C5orf47: variants seen among roughly 807,000 people sequenced by gnomAD.
C5orf47 encodes the protein uncharacterized protein C5orf47.
Under a neutral mutation model 20.6 loss-of-function variants are expected in C5orf47, and 20 were observed. That is an observed-to-expected ratio of 0.97 (90% CI 0.68 to 1.41). The LOEUF (loss-of-function observed/expected upper bound fraction) is 1.41. Ranked by LOEUF, C5orf47 falls within the 40% of genes most tolerant of loss-of-function variation. The probability of loss-of-function intolerance (pLI) is 0.00; values close to 1 mark genes in which losing one functional copy is unlikely to be tolerated. For synonymous variants in C5orf47, 106 were observed against 97.3 expected, an observed-to-expected ratio of 1.09 and a Z score of -0.53; for missense variants, 262 against 238.4, an observed-to-expected ratio of 1.10 and a Z score of -0.65.
intron 2 of C5orf47, 98 bp downstream of exon 2, chr5:173,998,336 C>A: frequency 4.9e-6 from 3 of 618,028 alleles, no homozygotes; most frequent in Admixed American, 3.5e-5. Flanking sequence ...AAAATAGTAC[C>A]ATCTTTTGAA....
intron 1 of C5orf47, 93 bp downstream of exon 1, chr5:173,989,681 AGGCTGGGGGCAGCTTTCCTGTC>A: frequency 1.8e-6 from 2 of 1,132,402 alleles, no homozygotes; most frequent in Non-Finnish European, 2.3e-6. Flanking sequence ...GGCACGCAGG[AGGCTGGGGGCAGCTTTCCTGTC>A]AGGCCGTGTT....
intron 1 of C5orf47, among the ~76,000 whole-genome samples, chr5:173,990,790 C>T (rs67505226): frequency 0.14 from 21,452 of 152,124 alleles, 2,103 homozygotes; most frequent in African/African-American, 0.28. Flanking sequence ...ACGTATGTTT[C>T]GAAGAGGTTT....
downstream of C5orf47, among the ~76,000 whole-genome samples, chr5:174,008,711 A>T (rs1048729768): frequency 6.6e-6 from 1 of 151,584 alleles, no homozygotes; most frequent in African/African-American, 2.4e-5. Context: ...GGGCGCCTGT[A>T]AGTCCCAGCT....
intron 1 of C5orf47, among the ~76,000 whole-genome samples, chr5:173,997,573 A>G (rs1759120688): frequency 6.6e-6 from 1 of 152,146 alleles, no homozygotes. Context: ...CATGATAAAA[A>G]GATAGGCTGA....
At chr5:173,991,488 A>G (rs542110189) in intron 1 of C5orf47, among the ~76,000 whole-genome samples, 46 of 148,710 alleles carry the variant, frequency 3.1e-4, no homozygotes, top group Non-Finnish European at 6.5e-4. Flanking sequence ...ATCCCTCCAT[A>G]CTTATTTTTT....
At chr5:173,993,643 A>C (rs1363159039) in intron 1 of C5orf47, among the ~76,000 whole-genome samples, 2 of 152,208 alleles carry the variant, frequency 1.3e-5, no homozygotes, top group Non-Finnish European at 2.9e-5. Flanking sequence ...ACTTTGTCTC[A>C]AAAAGAAAAG....
intron 1 of C5orf47, 133 bp downstream of exon 1, chr5:173,989,721 C>A: frequency 1.3e-6 from 1 of 790,240 alleles, no homozygotes; most frequent in Non-Finnish European, 1.8e-6. Flanking sequence ...GTTGCGAGCA[C>A]GCGCAGGGGC....
At position 174,006,084 on chromosome 5, in the gene C5orf47, A is replaced by G. The variant is rs939846518; in HGVS notation, c.*1830A>G. On this transcript the variant is annotated 3_prime_UTR_variant, in exon 5 of 5. Coordinates refer to ENST00000340147, the MANE Select transcript of C5orf47 (RefSeq NM_001144954.2). Reference sequence around the variant, plus strand: ...CAATACTTTAACTTATTTCTGTTCCATAATTTCAGTAGGGGCTAATGACCC... The same window carrying G: ...CAATACTTTAACTTATTTCTGTTCCGTAATTTCAGTAGGGGCTAATGACCC... 2 of 152,364 alleles carry G rather than the reference A, an allele frequency of 1.3e-5. No individual in the cohort carries two copies. Among genetic ancestry groups the G allele is most frequent in the African/African-American group, 2.4e-5 (1 of 41,454 alleles). 9.4% of individuals were successfully genotyped at this position (152,364 alleles called of 1,614,324 possible).
At position 173,989,514 on chromosome 5, in the gene C5orf47, A is replaced by AGGCTGCGGCCTCTGCCTCCTCCC; in HGVS notation, c.252_274dup (p.Gln92ArgfsTer27). ...AGGGTCCCCACGACCCCTGGTGTGG[A>AGGCTGCGGCCTCTGCCTCCTCCC]GGCTGCGGCCTCTGCCTCCTCCCAG... On this transcript the variant is annotated frameshift_variant, in exon 1 of 5. Transcript: ENST00000340147. LOFTEE classifies it high-confidence loss of function. The AGGCTGCGGCCTCTGCCTCCTCCC allele has an allele frequency of 6.5e-7, 1 of 1,539,174 alleles. No homozygotes were observed. Among genetic ancestry groups the AGGCTGCGGCCTCTGCCTCCTCCC allele is most frequent in the Non-Finnish European group, 8.8e-7 (1 of 1,141,906 alleles).
At chr5:173,995,559 G>C (rs1344343886) in intron 1 of C5orf47, among the ~76,000 whole-genome samples, 2 of 152,194 alleles carry the variant, frequency 1.3e-5, no homozygotes, top group Admixed American at 6.5e-5. Context: ...TGTAAAATGG[G>C]GGTAATGGTT....
intron 1 of C5orf47, among the ~76,000 whole-genome samples, chr5:173,993,970 G>A (rs1195492618): frequency 2.6e-5 from 4 of 152,120 alleles, no homozygotes; most frequent in Non-Finnish European, 4.4e-5. Flanking sequence ...AAAAGTCCAC[G>A]CTTTGGGATT....
chr5:174,006,783 G>A (rs534798175), downstream of C5orf47, among the ~76,000 whole-genome samples: 53 of 152,232 alleles, frequency 3.5e-4, 1 homozygote, highest in Admixed American at 2.6e-3. Context: ...TCCAGTTCCT[G>A]AGTCATGGAC....
rs181730353 is a variant in C5orf47 at position 173,998,291 on chromosome 5, C to T, written c.411+53C>T. On this transcript the variant is annotated intron_variant, in intron 2 of 4. Transcript: ENST00000340147. ...ATATTTGAATTTTAGATCATCCTCT[C>T]TAAATACAAATGTGTAAAGATATTC... 1.7e-5 allele frequency: 16 copies of T among 920,538 alleles called. No individual in the cohort carries two copies. In the South Asian group the frequency reaches 2.5e-4, roughly 14 times the overall value. The allele number at this position is 920,538 out of a possible 1,614,324, so 57.0% of individuals were successfully genotyped here.
chr5:174,005,159 T>C lies in C5orf47; in HGVS notation c.*905T>C, dbSNP rs1474140058. 6.6e-6 allele frequency: 1 copy of C among 152,166 alleles called. No individual in the cohort carries two copies. The highest frequency in any genetic ancestry group is 1.5e-5 in the Non-Finnish European group (1 of 68,018). 9.4% of individuals were successfully genotyped at this position (152,166 alleles called of 1,614,324 possible). ...TTAGGAGGGAAAGACAAAATGAGGC[T>C]TGTTCATGATCAAATTCTGTGTACT... On this transcript the variant is annotated 3_prime_UTR_variant, in exon 5 of 5. Transcript: ENST00000340147.
downstream of C5orf47, among the ~76,000 whole-genome samples, chr5:174,006,486 AAAAC>A (rs1434172920): frequency 6.6e-6 from 1 of 152,204 alleles, no homozygotes; most frequent in East Asian, 1.9e-4. Flanking sequence ...CATGAGAAAA[AAAAC>A]AAACAGTGGA....
Position 173,989,243 on chromosome 5 carries a change from C to G in C5orf47, c.-21C>G. 1 of 1,373,420 alleles carries G rather than the reference C, an allele frequency of 7.3e-7. No homozygotes were observed. Among genetic ancestry groups the G allele is most frequent in the East Asian group, 3.0e-5 (1 of 33,596 alleles). The allele number at this position is 1,373,420 out of a possible 1,614,324, so 85.1% of individuals were successfully genotyped here. On this transcript the variant is annotated 5_prime_UTR_variant, in exon 1 of 5. Coordinates refer to ENST00000340147, the MANE Select transcript of C5orf47 (RefSeq NM_001144954.2). ...GGCGTCGTGTTTGCTGAGGGCCCGG[C>G]TGCCGTTGACTGAGGCTGCGATGGC...
intron 1 of C5orf47, among the ~76,000 whole-genome samples, chr5:173,989,795 A>G (rs1488367379): frequency 6.6e-6 from 1 of 152,182 alleles, no homozygotes; most frequent in African/African-American, 2.4e-5. Context: ...ACCTGACATA[A>G]GAGGAGAGGT....
At chr5:173,991,037 T>C (rs1423642463) in intron 1 of C5orf47, among the ~76,000 whole-genome samples, 1 of 152,212 alleles carries the variant, frequency 6.6e-6, no homozygotes, top group Non-Finnish European at 1.5e-5. Flanking sequence ...TGCCCTCCTT[T>C]ACGCATAAGC....
downstream of C5orf47, among the ~76,000 whole-genome samples, chr5:174,006,607 G>A (rs1054522814): frequency 6.6e-6 from 1 of 152,194 alleles, no homozygotes; most frequent in African/African-American, 2.4e-5. Flanking sequence ...GGAATCTTAT[G>A]GGAGTAAACT....
Sources: gnomAD v4.1 joint callset for allele counts (sites outside exome capture counted in the v4.1 genomes callset) on GRCh38, gnomAD v4.1.1 for gene constraint, MANE v1.5 for transcripts, NCBI Gene and HGNC (gene_info 2026-07-23, HGNC 2026-07-21) for gene names.